CCDC174: variants seen among roughly 807,000 people sequenced by gnomAD.
The protein encoded by CCDC174 is coiled-coil domain containing 174.
CCDC174 carries 37 observed loss-of-function variants against 57.1 expected under a neutral mutation model. The observed-to-expected ratio is 0.65, with a 90% CI of 0.50 to 0.85. CCDC174 has a LOEUF of 0.85. CCDC174 is among the 40% of genes least tolerant of loss of function. The pLI is 0.00. For missense variants in CCDC174, 540 were observed against 574.3 expected, an observed-to-expected ratio of 0.94 and a Z score of 0.61; for synonymous variants, 182 against 190.2, an observed-to-expected ratio of 0.96 and a Z score of 0.35.
At chr3:14,669,363 T>G (rs1435130290) in intron 9 of CCDC174, among the ~76,000 whole-genome samples, 2 of 152,248 alleles carry the variant, frequency 1.3e-5, no homozygotes, top group Middle Eastern at 6.3e-3. Flanking sequence ...CTGTGCAGAT[T>G]GTTTCTCAAA....
At position 14,655,510 on chromosome 3, in the gene CCDC174, T is replaced by C; in HGVS notation, c.148-19T>C. The C allele has an allele frequency of 6.4e-7, 1 of 1,560,906 alleles. No homozygotes were observed. Among genetic ancestry groups the C allele is most frequent in the East Asian group, 2.3e-5 (1 of 44,404 alleles). On this transcript the variant is annotated intron_variant, in intron 2 of 10. Transcript: ENST00000383794. Reference sequence around the variant, plus strand: ...GGCAATCATGTGGTTCTGTTTTGTCTTCTAAAATTATTCTCCAGAAACCAA... The same window carrying C: ...GGCAATCATGTGGTTCTGTTTTGTCCTCTAAAATTATTCTCCAGAAACCAA...
intron 10 of CCDC174, among the ~76,000 whole-genome samples, chr3:14,670,521 T>C (rs1296330852): frequency 6.6e-6 from 1 of 152,264 alleles, no homozygotes; most frequent in Admixed American, 6.5e-5. Context: ...CAAGAGCCAC[T>C]GTTAGAAATA....
intron 5 of CCDC174, among the ~76,000 whole-genome samples, chr3:14,664,206 G>A (rs1259026794): frequency 6.6e-6 from 1 of 152,174 alleles, no homozygotes; most frequent in Non-Finnish European, 1.5e-5. Flanking sequence ...GCTAACAAAA[G>A]CAAAGCCACA....
chr3:14,666,902 A>AAG lies in CCDC174; in HGVS notation c.682_683dup (p.Pro229GlyfsTer32). 1 of 1,606,360 alleles carries AAG rather than the reference A, an allele frequency of 6.2e-7. No homozygotes were observed. Among genetic ancestry groups the AAG allele is most frequent in the Non-Finnish European group, 8.5e-7 (1 of 1,177,770 alleles). ...GGAGGAAGAAGAAAGAGAGGCCCTG[A>AAG]AGAGGCCCATGGGGCCCGTACATTA... On this transcript the variant is annotated frameshift_variant, in exon 7 of 11. Transcript: ENST00000383794. LOFTEE classifies it high-confidence loss of function.
rs1251394429 is a variant in CCDC174, at chr3:14,661,961, A to G, written c.485+254A>G. 1.7e-5 allele frequency: 6 copies of G among 362,584 alleles called. No individual in the cohort carries two copies. In the East Asian group the frequency reaches 2.5e-4, roughly 15 times the overall value. 22.5% of individuals were successfully genotyped at this position (362,584 alleles called of 1,614,324 possible). A position where few individuals can be genotyped will look rare whatever the true frequency, so the allele number is the denominator to read the frequency against. ...CTGACTGGGCTTCTGCTGTGTGCCC[A>G]GCTCTGTGCCAGGCCGAAGGAAACC... is the stretch of plus-strand genomic sequence containing the variant. On this transcript the variant is annotated intron_variant, in intron 5 of 10. Transcript: ENST00000383794.
chr3:14,665,224 C>A, intron 6 of CCDC174, 101 bp downstream of exon 6: 1 of 830,704 alleles, frequency 1.2e-6, no homozygotes, highest in Non-Finnish European at 2.0e-6. Context: ...ATCTCTGTTG[C>A]TCCAGTAAGG....
chr3:14,661,556 G>C lies in CCDC174; in HGVS notation c.334G>C (p.Val112Leu). 6.2e-7 allele frequency: 1 copy of C among 1,613,524 alleles called. No homozygotes were observed. Among genetic ancestry groups the C allele is most frequent in the Non-Finnish European group, 8.5e-7 (1 of 1,179,848 alleles). The part of the protein sequence containing the change: ...IDEEVEDMYL[V>L]DFTQKIIDKR... Reference sequence around the variant, plus strand: ...TGAAGAAGTAGAGGATATGTACCTTGTGGATTTCACACAGAAGATCATAGA... The same window carrying C: ...TGAAGAAGTAGAGGATATGTACCTTCTGGATTTCACACAGAAGATCATAGA... The change falls in exon 5 of 11, where the codon GTG (valine) becomes CTG (leucine). Residue 112 changes from valine to leucine, a missense_variant. Coordinates refer to ENST00000383794, the MANE Select transcript of CCDC174 (RefSeq NM_016474.5).
intron 2 of CCDC174, among the ~76,000 whole-genome samples, 200 bp from the exon 3 acceptor site, chr3:14,655,329 T>C (rs2030915632): frequency 6.6e-6 from 1 of 151,912 alleles, no homozygotes; most frequent in Non-Finnish European, 1.5e-5. Context: ...AAAAAAAAGT[T>C]ATTTATATAA....
intron 4 of CCDC174, 138 bp downstream of exon 4, chr3:14,659,067 A>G: frequency 2.4e-6 from 2 of 833,446 alleles, no homozygotes; most frequent in South Asian, 1.9e-5. Context: ...CTGCACAGAG[A>G]CAAGAAAATC....
chr3:14,653,003 C>T (rs1049796497), intron 1 of CCDC174, among the ~76,000 whole-genome samples: 4 of 152,152 alleles, frequency 2.6e-5, no homozygotes, highest in African/African-American at 9.7e-5. Context: ...GAGCAAATTG[C>T]CCAACCTTTG....
At chr3:14,662,723 T>C (rs2031188030) in intron 5 of CCDC174, among the ~76,000 whole-genome samples, 1 of 152,212 alleles carries the variant, frequency 6.6e-6, no homozygotes, top group Non-Finnish European at 1.5e-5. Flanking sequence ...TGTTAGGAAC[T>C]GCTCAGGACT....
In CCDC174 at chr3:14,661,668, A is replaced by G. The variant is rs1326066499; in HGVS notation, c.446A>G (p.Glu149Gly). 1.9e-6 allele frequency: 3 copies of G among 1,614,024 alleles called. No individual in the cohort carries two copies. The highest frequency in any genetic ancestry group is 2.5e-6 in the Non-Finnish European group (3 of 1,179,982). ...ERDDDEENLP[E>G]GEIPPPQDPS... is the part of the protein sequence containing the mutation. ...GACGACGATGAGGAAAACCTTCCTGAGGGAGAGATCCCTCCTCCCCAAGAC... is the reference window on the plus strand; with the variant it reads ...GACGACGATGAGGAAAACCTTCCTGGGGGAGAGATCCCTCCTCCCCAAGAC... The change falls in exon 5 of 11, where the codon GAG (glutamate) becomes GGG (glycine). Residue 149 changes from glutamate (E) to glycine (G), a missense_variant. Glu to Gly is a moderately conservative substitution (Grantham distance 98). Transcript: ENST00000383794.
intron 2 of CCDC174, 84 bp from the exon 3 acceptor site, chr3:14,655,445 T>A: frequency 1.2e-6 from 1 of 818,944 alleles, no homozygotes; most frequent in Admixed American, 2.3e-5. Flanking sequence ...CATGATCTCC[T>A]TTGTTTTTTT....
chr3:14,670,854 T>G (rs1394609552), intron 10 of CCDC174, 42 bp from the exon 11 acceptor site: 3 of 1,451,506 alleles, frequency 2.1e-6, no homozygotes, highest in Non-Finnish European at 2.8e-6. Flanking sequence ...TTCAACTGAT[T>G]CGTTAATCAG....
intron 4 of CCDC174, among the ~76,000 whole-genome samples, chr3:14,659,961 G>A (rs2031075655): frequency 6.6e-6 from 1 of 152,186 alleles, no homozygotes; most frequent in South Asian, 2.1e-4. Flanking sequence ...CCCAGGTACA[G>A]TAGGAGAGAG....
chr3:14,660,214 G>A (rs1173098803), intron 4 of CCDC174, among the ~76,000 whole-genome samples: 3 of 152,196 alleles, frequency 2.0e-5, no homozygotes, highest in African/African-American at 7.2e-5. Flanking sequence ...TAAAAAATAA[G>A]TTTATTTCAG....
intron 5 of CCDC174, 69 bp downstream of exon 5, chr3:14,661,776 TG>T (rs1321616584): frequency 7.1e-7 from 1 of 1,413,096 alleles, no homozygotes; most frequent in African/African-American, 1.4e-5. Context: ...GGAGTGATTT[TG>T]TTGGGTTGTT....
At chr3:14,662,077 CCGTG>C (rs1391069001) in intron 5 of CCDC174, among the ~76,000 whole-genome samples, 1 of 152,156 alleles carries the variant, frequency 6.6e-6, no homozygotes, top group Non-Finnish European at 1.5e-5. Context: ...GCTGCCTTAC[CCGTG>C]TTCTTGTTCT....
At chr3:14,669,755 A>G (rs1013824492) in intron 9 of CCDC174, among the ~76,000 whole-genome samples, 179 bp from the exon 10 acceptor site, 8 of 152,166 alleles carry the variant, frequency 5.3e-5, no homozygotes, top group African/African-American at 1.4e-4. Context: ...ATTTATTAGG[A>G]TTGTTACAAG....
Sources: allele counts gnomAD v4.1 joint callset (sites outside exome capture counted in the v4.1 genomes callset), GRCh38; gene constraint gnomAD v4.1.1; transcripts MANE v1.5; gene names NCBI Gene and HGNC (gene_info 2026-07-23, HGNC 2026-07-21).